The following TBL1XR1 variants were observed in gnomAD, a reference collection of about 807,000 sequenced individuals.
TBL1XR1 encodes the protein F-box-like/WD repeat-containing protein TBL1XR1.
A neutral mutation model predicts 66.9 loss-of-function variants in TBL1XR1; 5 were observed. That is an observed-to-expected ratio of 0.07 (90% CI 0.04 to 0.16). The LOEUF is 0.16. Among genes scored for constraint, TBL1XR1 ranks in the 10% least tolerant of loss-of-function variants. The pLI is 1.00. For missense variants in TBL1XR1, 238 were observed against 623.2 expected (o/e 0.38, Z 6.58); for synonymous variants, 210 against 206.0 (o/e 1.02, Z -0.17).
chr3:177,088,246 T>G (rs543929424), intron 2 of TBL1XR1, among the ~76,000 whole-genome samples: 2 of 152,310 alleles, frequency 1.3e-5, no homozygotes, highest in South Asian at 4.1e-4. Flanking sequence ...TCTGCAGTTT[T>G]TGGAGCAGTG....
intron 9 of TBL1XR1, 57 bp from the exon 10 acceptor site, chr3:177,046,246 G>A (rs925461874): frequency 1.5e-6 from 2 of 1,300,990 alleles, no homozygotes; most frequent in African/African-American, 3.0e-5. Context: ...ACATACATGT[G>A]TAAAGTATAT....
chr3:177,148,711 T>C lies in TBL1XR1; in HGVS notation c.-122+48410A>G, dbSNP rs1217725925. On this transcript the variant is annotated intron_variant, in intron 1 of 15. Coordinates refer to ENST00000457928, the MANE Select transcript of TBL1XR1 (RefSeq NM_024665.7). ...AACAGAATAAGACTCGAGAAAAAAA[T>C]AAAAATAATAAAAATTGGCTGGGTG... Among the ~76,000 whole-genome samples the C allele has an allele frequency of 4.2e-5, 6 of 142,582 alleles. No individual in the cohort carries two copies. In the East Asian group the frequency reaches 1.0e-3, roughly 25 times the overall value. The allele number at this position is 142,582 out of a possible 152,430, so 93.5% of individuals were successfully genotyped here.
intron 1 of TBL1XR1, among the ~76,000 whole-genome samples, chr3:177,132,841 C>A (rs1366473835): frequency 1.3e-5 from 2 of 152,176 alleles, no homozygotes; most frequent in Non-Finnish European, 1.5e-5. Flanking sequence ...CACAGAGAGC[C>A]TTATGAATTC....
intron 1 of TBL1XR1, among the ~76,000 whole-genome samples, chr3:177,186,252 T>A (rs1005021510): frequency 1.4e-4 from 22 of 152,176 alleles, no homozygotes; most frequent in African/African-American, 5.1e-4. Flanking sequence ...AACAGTAATT[T>A]AAAGAAAACC....
intron 1 of TBL1XR1, among the ~76,000 whole-genome samples, chr3:177,140,516 AT>A (rs1729511825): frequency 6.6e-6 from 1 of 152,198 alleles, no homozygotes; most frequent in Non-Finnish European, 1.5e-5. Flanking sequence ...AAATAAAGGC[AT>A]TTTCAGACAT....
At chr3:177,079,548 T>C (rs1221937880) in intron 2 of TBL1XR1, 1 of 152,072 alleles carries the variant, frequency 6.6e-6, no homozygotes, top group Non-Finnish European at 1.5e-5. Flanking sequence ...TAATTCCTGT[T>C]ATAAATTTTA....
intron 1 of TBL1XR1, among the ~76,000 whole-genome samples, chr3:177,189,295 A>G (rs1735821114): frequency 9.8e-6 from 1 of 102,246 alleles, no homozygotes; most frequent in South Asian, 2.7e-4. Flanking sequence ...AGGTGGGCAG[A>G]TAACAAGGCC....
chr3:177,030,120 G>GTATATA (rs992028486), intron 14 of TBL1XR1, among the ~76,000 whole-genome samples: 3 of 145,366 alleles, frequency 2.1e-5, no homozygotes, highest in Admixed American at 7.0e-5. Context: ...GTGTGTGTGT[G>GTATATA]TATATATATA....
intron 10 of TBL1XR1, among the ~76,000 whole-genome samples, chr3:177,042,420 C>T (rs943151421): frequency 7.9e-5 from 12 of 152,106 alleles, no homozygotes; most frequent in Non-Finnish European, 1.5e-4. Flanking sequence ...AACAAACACG[C>T]TATTAGGTTC....
At chr3:177,066,106 T>C (rs979133215) in intron 2 of TBL1XR1, among the ~76,000 whole-genome samples, 17 of 152,168 alleles carry the variant, frequency 1.1e-4, no homozygotes, top group Admixed American at 6.5e-5. Flanking sequence ...CGTGGAACTA[T>C]GCTGGTTGTC....
intron 1 of TBL1XR1, among the ~76,000 whole-genome samples, chr3:177,114,201 T>C (rs1390271140): frequency 6.6e-6 from 1 of 151,886 alleles, no homozygotes; most frequent in African/African-American, 2.4e-5. Context: ...CCTCTCTCTA[T>C]ATGTATACAT....
chr3:177,149,712 T>A (rs910690550), intron 1 of TBL1XR1, among the ~76,000 whole-genome samples: 14 of 152,092 alleles, frequency 9.2e-5, no homozygotes, highest in African/African-American at 3.4e-4. Flanking sequence ...TTCTAAATGG[T>A]TGGGGGGGCC....
intron 1 of TBL1XR1, among the ~76,000 whole-genome samples, chr3:177,134,967 CTG>C (rs796736140): frequency 4.3e-5 from 6 of 138,026 alleles, no homozygotes; most frequent in Non-Finnish European, 7.7e-5. Flanking sequence ...GTGTGTGTGT[CTG>C]TGTGTGTGTC....
intron 1 of TBL1XR1, among the ~76,000 whole-genome samples, chr3:177,113,004 A>AACACACAC (rs139383418): frequency 1.3e-5 from 2 of 149,754 alleles, no homozygotes; most frequent in East Asian, 2.0e-4. Context: ...ACTGTCTCAA[A>AACACACAC]ACACACACAC....
intron 1 of TBL1XR1, among the ~76,000 whole-genome samples, chr3:177,158,169 A>AACAAAG (rs561422436): frequency 1.5e-4 from 23 of 151,880 alleles, no homozygotes; most frequent in African/African-American, 5.6e-4. Context: ...GTAAAACAAA[A>AACAAAG]ACAAAAACAA....
chr3:177,134,732 A>G (rs1315329833), intron 1 of TBL1XR1, among the ~76,000 whole-genome samples: 1 of 152,148 alleles, frequency 6.6e-6, no homozygotes, highest in Non-Finnish European at 1.5e-5. Flanking sequence ...CTAAGTTACA[A>G]TACCTCTTAC....
intron 2 of TBL1XR1, among the ~76,000 whole-genome samples, chr3:177,070,386 T>A (rs1719814085): frequency 6.6e-6 from 1 of 152,018 alleles, no homozygotes; most frequent in South Asian, 2.1e-4. Context: ...TAAATTACAG[T>A]CAAGGTATAT....
At chr3:177,107,604 T>C (rs868753183) in intron 1 of TBL1XR1, among the ~76,000 whole-genome samples, 1 of 152,216 alleles carries the variant, frequency 6.6e-6, no homozygotes, top group African/African-American at 2.4e-5. Flanking sequence ...AAACTTAAAA[T>C]GATACATTCG....
intron 3 of TBL1XR1, among the ~76,000 whole-genome samples, chr3:177,063,950 C>A (rs766518308): frequency 3.3e-5 from 5 of 152,084 alleles, no homozygotes; most frequent in Non-Finnish European, 7.4e-5. Context: ...GCTCTCAGAC[C>A]GAAAGCCATG....
Sources: gnomAD v4.1 joint callset for allele counts (sites outside exome capture counted in the v4.1 genomes callset) on GRCh38, gnomAD v4.1.1 for gene constraint, MANE v1.5 for transcripts, NCBI Gene and HGNC (gene_info 2026-07-23, HGNC 2026-07-21) for gene names.